GCFC2: variants seen among roughly 807,000 people sequenced by gnomAD.
GCFC2 encodes the protein intron Large complex component GCFC2.
Under a neutral mutation model 99.4 loss-of-function variants are expected in GCFC2, and 102 were observed. The observed-to-expected ratio is 1.03, with a 90% CI of 0.87 to 1.21. The LOEUF (loss-of-function observed/expected upper bound fraction) is 1.21, where lower values mean the gene tolerates loss of function less well. Ranked by LOEUF, GCFC2 falls within the 50% of genes most tolerant of loss-of-function variation. The probability of loss-of-function intolerance (pLI) is 0.00; values close to 1 mark genes in which losing one functional copy is unlikely to be tolerated. For missense variants in GCFC2, 973 were observed against 920.9 expected (o/e 1.06, Z -0.73); for synonymous variants, 338 against 316.8 (o/e 1.07, Z -0.71).
rs140484703 is a variant in GCFC2 at position 75,696,242 on chromosome 2, G to A, written c.791C>T (p.Pro264Leu). 3.4e-4 allele frequency: 511 copies of A among 1,486,950 alleles called. 2 individuals carry two copies. Among genetic ancestry groups the A allele is most frequent in the Non-Finnish European group, 9.4e-5 (100 of 1,066,138 alleles). 92.1% of individuals were successfully genotyped at this position (1,486,950 alleles called of 1,614,324 possible). A position where few individuals can be genotyped will look rare whatever the true frequency, so the allele number is the denominator to read the frequency against. The change falls in exon 5 of 17, where the codon CCG (proline) becomes CTG (leucine). Residue 264 changes from proline (P) to leucine (L), a missense_variant. Pro to Leu is a moderately conservative substitution (Grantham distance 98, BLOSUM62 -3). Coordinates refer to ENST00000321027, the MANE Select transcript of GCFC2 (RefSeq NM_003203.5). ...CTTTATAATTTCTAAATTTACTGGCGGAAATGAAATGGAAGTATCAAATTT... is the reference window on the plus strand; with the variant it reads ...CTTTATAATTTCTAAATTTACTGGCAGAAATGAAATGGAAGTATCAAATTT... Reference protein sequence around the residue: ...VKKFDTSISFPPVNLEIIKKQ... With the variant: ...VKKFDTSISFLPVNLEIIKKQ...
At chr2:75,700,521 A>G (rs1053974941) in intron 4 of GCFC2, among the ~76,000 whole-genome samples, 12 of 152,206 alleles carry the variant, frequency 7.9e-5, no homozygotes, top group Non-Finnish European at 1.5e-4. Context: ...GAAGTGAAAA[A>G]AACAGTCTCC....
intron 1 of GCFC2, among the ~76,000 whole-genome samples, chr2:75,708,501 C>CTT (rs34414596): frequency 0.018 from 1,414 of 78,676 alleles, 122 homozygotes; most frequent in African/African-American, 0.046. Flanking sequence ...CATTTGGCAA[C>CTT]TTTTTTTTTT....
chr2:75,689,246 T>G (rs375975771), intron 9 of GCFC2, 21 bp from the exon 10 acceptor site: 83 of 1,349,246 alleles, frequency 6.2e-5, no homozygotes, highest in Middle Eastern at 1.8e-4. Flanking sequence ...AATAAGTCTC[T>G]TTATGCATTT....
At chr2:75,699,427 T>C (rs1680474217) in intron 4 of GCFC2, among the ~76,000 whole-genome samples, 1 of 152,236 alleles carries the variant, frequency 6.6e-6, no homozygotes, top group African/African-American at 2.4e-5. Context: ...GAATCTCTGA[T>C]GTACACTATG....
intron 8 of GCFC2, 74 bp downstream of exon 8, chr2:75,690,564 G>T: frequency 1.3e-6 from 1 of 773,718 alleles, no homozygotes; most frequent in South Asian, 1.5e-5. Context: ...GACATCATGT[G>T]GTTAATTATA....
intron 11 of GCFC2, 52 bp downstream of exon 11, chr2:75,687,775 T>C (rs1679883124): frequency 2.9e-6 from 4 of 1,384,148 alleles, no homozygotes; most frequent in African/African-American, 1.5e-5. Context: ...TTAACAACCT[T>C]ATATACTCTG....
In GCFC2 at chr2:75,710,635, G is replaced by A. The variant is rs1229005959; in HGVS notation, c.221C>T (p.Ser74Phe). Residue 74 changes from serine to phenylalanine, a missense_variant, in exon 1 of 17, where the codon TCC becomes TTC. Coordinates refer to ENST00000321027, the MANE Select transcript of GCFC2 (RefSeq NM_003203.5). Reference protein sequence around the residue: ...PRGRGRVWASSRRATKAAPRA... With the variant: ...PRGRGRVWASFRRATKAAPRA... ...GGGAGCCGCTTTGGTGGCACGCCGG[G>A]AGCTCGCCCAGACCCGGCCCCGGCC... 1.2e-5 allele frequency: 18 copies of A among 1,517,498 alleles called. No individual in the cohort carries two copies. Among genetic ancestry groups the A allele is most frequent in the Non-Finnish European group, 1.6e-5 (18 of 1,139,632 alleles). The allele number at this position is 1,517,498 out of a possible 1,614,324, so 94.0% of individuals were successfully genotyped here.
intron 4 of GCFC2, among the ~76,000 whole-genome samples, chr2:75,697,022 G>A (rs931370346): frequency 2.6e-5 from 4 of 152,130 alleles, no homozygotes; most frequent in African/African-American, 9.7e-5. Flanking sequence ...TCCTGACCTC[G>A]TCATCTGCCT....
intron 10 of GCFC2, among the ~76,000 whole-genome samples, chr2:75,688,628 T>C (rs1679921054): frequency 6.6e-6 from 1 of 152,146 alleles, no homozygotes; most frequent in African/African-American, 2.4e-5. Context: ...CCATAAACTC[T>C]TCAAAGGCTT....
intron 3 of GCFC2, 47 bp downstream of exon 3, chr2:75,702,152 A>G: frequency 6.4e-7 from 1 of 1,567,214 alleles, no homozygotes; most frequent in Admixed American, 1.7e-5. Context: ...CTCATATTAT[A>G]TTCTAATAAA....
intron 15 of GCFC2, chr2:75,669,882 A>G (rs539026441): frequency 6.0e-4 from 119 of 197,024 alleles, no homozygotes; most frequent in African/African-American, 2.7e-3. Flanking sequence ...TAGCCACCGC[A>G]CCTGGCTAAT....
rs148532086 is a variant in GCFC2 at position 75,695,124 on chromosome 2, C to T, written c.834-697G>A. On this transcript the variant is annotated intron_variant, in intron 5 of 16. Coordinates refer to ENST00000321027, the MANE Select transcript of GCFC2 (RefSeq NM_003203.5). Reference sequence around the variant, plus strand: ...TGCTGCCTCTTTTTTATCCCTCATGCAAGGTTATCTTTGTATTCTAGGGGG... The same window carrying T: ...TGCTGCCTCTTTTTTATCCCTCATGTAAGGTTATCTTTGTATTCTAGGGGG... 8.4e-3 allele frequency among the ~76,000 whole-genome samples: 1,281 copies of T among 152,192 alleles called. 17 individuals are homozygous for T. The highest frequency in any genetic ancestry group is 0.029 in the African/African-American group (1,203 of 41,530).
chr2:75,708,027 T>C (rs566188871), intron 1 of GCFC2, among the ~76,000 whole-genome samples: 2 of 152,348 alleles, frequency 1.3e-5, no homozygotes, highest in Admixed American at 1.3e-4. Context: ...TGAAATGCAA[T>C]GGCTGCCTTA....
chr2:75,680,347 T>A (rs777619856), intron 11 of GCFC2, 33 bp from the exon 12 acceptor site: 16 of 1,562,412 alleles, frequency 1.0e-5, no homozygotes, highest in Non-Finnish European at 1.4e-5. Flanking sequence ...ACACAATGTA[T>A]TTACTAGATT....
Position 75,689,064 on chromosome 2 carries a change from G to A in GCFC2, c.1501C>T (p.Leu501=), listed in dbSNP as rs747429993. 2 of 1,594,276 alleles carry A rather than the reference G, an allele frequency of 1.3e-6. 1 individual carries two copies. The highest frequency in any genetic ancestry group is 2.7e-5 in the African/African-American group (2 of 74,382). The change falls in exon 10 of 17, where the codon CTA becomes TTA. Residue 501 remains leucine, a synonymous_variant. Coordinates refer to ENST00000321027, the MANE Select transcript of GCFC2 (RefSeq NM_003203.5). ...SLCIPKLLNP[L]IRVQLIDWNP... is the part of the protein sequence containing the mutation. ...CAATCAATCAACTGAACTCGTATTA[G>A]GGGATTTAAAAGCTTTGGTATGCAT...
At chr2:75,671,819 CG>C in intron 14 of GCFC2, 130 bp downstream of exon 14, 1 of 400,118 alleles carries the variant, frequency 2.5e-6, no homozygotes, top group South Asian at 4.4e-5. Context: ...TTGAGTAATT[CG>C]ACAGAGACCA....
intron 4 of GCFC2, chr2:75,697,884 C>T (rs568466439): frequency 7.1e-4 from 109 of 152,454 alleles, no homozygotes; most frequent in African/African-American, 2.6e-3. Context: ...CTAGAAGAGT[C>T]AAGGAATGGA....
rs771918672 is a variant in GCFC2, at chr2:75,689,977, T to C, written c.1331A>G (p.Lys444Arg). 5 of 1,575,648 alleles carry C rather than the reference T, an allele frequency of 3.2e-6. No individual in the cohort carries two copies. The highest frequency in any genetic ancestry group is 2.6e-6 in the Non-Finnish European group (3 of 1,150,442). ...GAAACTTGGTAACTGACCTTGGCTT[T>C]TTTGGAAGTCAATCATCTCTGCTGA... ...LPSAEMIDFQ[K>R]SQGDILQKQK... Residue 444 changes from lysine (K) to arginine (R), a missense_variant, in exon 9 of 17, where the codon AAA (lysine) becomes AGA (arginine). By Grantham distance (26) the Lys-to-Arg change is conservative. Coordinates refer to ENST00000321027, the MANE Select transcript of GCFC2 (RefSeq NM_003203.5).
chr2:75,702,444 G>A (rs1021730322), intron 2 of GCFC2, 21 bp from the exon 3 acceptor site: 1 of 1,596,550 alleles, frequency 6.3e-7, no homozygotes, highest in Admixed American at 1.7e-5. Flanking sequence ...CAAAGACGAG[G>A]ACACTAAAAA....
Sources: gnomAD v4.1 joint callset for allele counts (sites outside exome capture counted in the v4.1 genomes callset) on GRCh38, gnomAD v4.1.1 for gene constraint, MANE v1.5 for transcripts, NCBI Gene and HGNC (gene_info 2026-07-23, HGNC 2026-07-21) for gene names.